ASPDH: variants seen among roughly 807,000 people sequenced by gnomAD.
ASPDH encodes the protein aspartate dehydrogenase domain containing, also known as aspartate dehydrogenase domain-containing protein.
A neutral mutation model predicts 30.5 loss-of-function variants in ASPDH; 25 were observed. The ratio of observed to expected loss-of-function variants is 0.82; its 90% CI spans 0.60 to 1.14. ASPDH has a LOEUF of 1.14. ASPDH is among the 50% of genes most tolerant of loss of function. ASPDH has a pLI of 0.00. For missense variants in ASPDH, 401 were observed against 381.5 expected (o/e 1.05, Z -0.43); for synonymous variants, 168 against 156.3 (o/e 1.07, Z -0.56).
Position 50,513,085 on chromosome 19 carries a change from C to T in ASPDH, c.198-74G>A, listed in dbSNP as rs188761732. 7,795 of 1,348,696 alleles carry T rather than the reference C, an allele frequency of 5.8e-3. 41 individuals carry two copies. Among genetic ancestry groups the T allele is most frequent in the Non-Finnish European group, 7.1e-3 (6,908 of 972,764 alleles). The allele number at this position is 1,348,696 out of a possible 1,614,324, so 83.5% of individuals were successfully genotyped here. ...CTTCTCCCCAAGGTTCCCTCCGAGT[C>T]TACTGAGGGCTGCCCTTCTTCTCCC... On this transcript the variant is annotated intron_variant, in intron 2 of 6. Coordinates refer to ENST00000389208, the MANE Select transcript of ASPDH (RefSeq NM_001114598.2). This position sits in a 1 kb window ranked among gnomAD's most constrained non-coding sequence, Gnocchi z 4.9.
At chr19:50,512,624 G>T in intron 4 of ASPDH, 37 bp downstream of exon 4, 5 of 1,509,192 alleles carry the variant, frequency 3.3e-6, no homozygotes, top group Non-Finnish European at 3.5e-6. Flanking sequence ...GTCTTTGCAG[G>T]CCTCCCCTGG....
rs1374587732 is a variant in ASPDH, at chr19:50,512,341, C to T, written c.653+19G>A. 4 of 1,613,902 alleles carry T rather than the reference C, an allele frequency of 2.5e-6. No homozygotes were observed. The highest frequency in any genetic ancestry group is 3.4e-6 in the Non-Finnish European group (4 of 1,179,928). ...GGAGAGCCTGGACTCAGCCCAACAC[C>T]CTGCTTAGCTCTGCTCACCTGGTAT... On this transcript the variant is annotated intron_variant, in intron 5 of 6. Coordinates refer to ENST00000389208, the MANE Select transcript of ASPDH (RefSeq NM_001114598.2).
rs1038524755 is a variant in ASPDH, at chr19:50,512,694, G to A, written c.399C>T (p.Asp133=). The change falls in exon 4 of 7, where the codon GAC becomes GAT. Residue 133 remains aspartate, a synonymous_variant. Transcript: ENST00000389208. The part of the protein sequence containing the change: ...VARGALWGAE[D]IRRLDAAGGL... ...CCCCAGCTGCATCCAATCTCCTGAT[G>A]TCCTCAGCGCCCCACAGGGCCCCTC... 3.9e-6 allele frequency: 6 copies of A among 1,550,442 alleles called. No homozygotes were observed. In the African/African-American group the frequency reaches 5.5e-5, roughly 14 times the overall value.
chr19:50,513,451 G>C lies in ASPDH; in HGVS notation c.53-35C>G. 6.9e-7 allele frequency: 1 copy of C among 1,456,752 alleles called. No individual in the cohort carries two copies. Among genetic ancestry groups the C allele is most frequent in the South Asian group, 1.5e-5 (1 of 68,276 alleles). The allele number at this position is 1,456,752 out of a possible 1,614,324, so 90.2% of individuals were successfully genotyped here. ...GGGAAAGGAGAGGGCTAGAGATCCA[G>C]AGAGAGGGGGACAGAGACCCAGAGA... On this transcript the variant is annotated intron_variant, in intron 1 of 6. Transcript: ENST00000389208. This position sits in a 1 kb window ranked among gnomAD's most constrained non-coding sequence, Gnocchi z 4.9.
Position 50,513,161 on chromosome 19 carries a change from C to G in ASPDH, c.197+111G>C, listed in dbSNP as rs745382915. On this transcript the variant is annotated intron_variant, in intron 2 of 6. Transcript: ENST00000389208. The surrounding 1 kb of genome is among the most constrained non-coding windows in gnomAD (Gnocchi z 4.9). ...ATGGGTTCGTCCTGTTTCACATTTGCTTGAACCAAGGCCCAGAGAGGGTCA... is the reference window on the plus strand; with the variant it reads ...ATGGGTTCGTCCTGTTTCACATTTGGTTGAACCAAGGCCCAGAGAGGGTCA... 7.7e-7 allele frequency: 1 copy of G among 1,300,602 alleles called. No homozygotes were observed. The highest frequency in any genetic ancestry group is 1.0e-6 in the Non-Finnish European group (1 of 960,810). The allele number at this position is 1,300,602 out of a possible 1,614,324, so 80.6% of individuals were successfully genotyped here. A position where few individuals can be genotyped will look rare whatever the true frequency, so the allele number is the denominator to read the frequency against.
chr19:50,512,711 G>C lies in ASPDH; in HGVS notation c.382C>G (p.Leu128Val). ...DHAVFVARGALWGAEDIRRLD... is the reference protein window; with the variant it reads ...DHAVFVARGAVWGAEDIRRLD... Reference sequence around the variant, plus strand: ...CTCCTGATGTCCTCAGCGCCCCACAGGGCCCCTCGGGCCACAAACACGGCG... The same window carrying C: ...CTCCTGATGTCCTCAGCGCCCCACACGGCCCCTCGGGCCACAAACACGGCG... The change falls in exon 4 of 7, where the codon CTG (leucine) becomes GTG (valine). Residue 128 changes from leucine to valine, a missense_variant. Physicochemically the swap from Leu to Val is conservative, Grantham distance 32. Transcript: ENST00000389208. 6.4e-7 allele frequency: 1 copy of C among 1,551,726 alleles called. No homozygotes were observed. Among genetic ancestry groups the C allele is most frequent in the Non-Finnish European group, 8.7e-7 (1 of 1,147,448 alleles).
rs529674868 is a variant in ASPDH at position 50,513,384 on chromosome 19, C to A, written c.85G>T (p.Gly29Ter). 1 of 1,532,160 alleles carries A rather than the reference C, an allele frequency of 6.5e-7. No homozygotes were observed. The highest frequency in any genetic ancestry group is 1.2e-5 in the South Asian group (1 of 80,802). 94.9% of individuals were successfully genotyped at this position (1,532,160 alleles called of 1,614,324 possible). A position where few individuals can be genotyped will look rare whatever the true frequency, so the allele number is the denominator to read the frequency against. Reference sequence around the variant, plus strand: ...ACAAGTTCTAGGCCAAGTTCTGGTCCCTGAGCCAAGAGGCGGGAGACGAGG... The same window carrying A: ...ACAAGTTCTAGGCCAAGTTCTGGTCACTGAGCCAAGAGGCGGGAGACGAGG... ...QSLVSRLLAQ[G>*]PELGLELVFV... Residue 29 changes from glycine to a stop codon, truncating the protein, a stop_gained, in exon 2 of 7, where the codon GGA (glycine) becomes TGA (stop). Coordinates refer to ENST00000389208, the MANE Select transcript of ASPDH (RefSeq NM_001114598.2). LOFTEE classifies it high-confidence loss of function. The surrounding 1 kb of genome is among the most constrained non-coding windows in gnomAD (Gnocchi z 4.9).
chr19:50,513,302 T>C lies in ASPDH; in HGVS notation c.167A>G (p.Gln56Arg). The change falls in exon 2 of 7, where the codon CAG (glutamine) becomes CGG (arginine). Residue 56 changes from glutamine to arginine, a missense_variant. Physicochemically the swap from Gln to Arg is conservative, Grantham distance 43 (BLOSUM62 1). Coordinates refer to ENST00000389208, the MANE Select transcript of ASPDH (RefSeq NM_001114598.2). This position sits in a 1 kb window ranked among gnomAD's most constrained non-coding sequence, Gnocchi z 4.9. The part of the protein sequence containing the change: ...RMAGSVPPSL[Q>R]LQNLAALGER... ...CCCAAGGGCAGCAAGGTTCTGGAGCTGCAGGGAAGGGGGCACGCTCCCTGC... is the reference window on the plus strand; with the variant it reads ...CCCAAGGGCAGCAAGGTTCTGGAGCCGCAGGGAAGGGGGCACGCTCCCTGC... 1 of 1,512,694 alleles carries C rather than the reference T, an allele frequency of 6.6e-7. No homozygotes were observed. Among genetic ancestry groups the C allele is most frequent in the Non-Finnish European group, 8.8e-7 (1 of 1,130,104 alleles). 93.7% of individuals were successfully genotyped at this position (1,512,694 alleles called of 1,614,324 possible).
Position 50,513,835 on chromosome 19 carries a change from C to T in ASPDH, c.-12G>A, listed in dbSNP as rs376542665. ...CCCCTGTCGGCCATGGCCCTGAGTG[C>T]GGTGTCTGGGGCCTGGCTCCCTGGG... On this transcript the variant is annotated 5_prime_UTR_variant, in exon 1 of 7. Transcript: ENST00000389208. The surrounding 1 kb of genome is among the most constrained non-coding windows in gnomAD (Gnocchi z 4.9). The T allele has an allele frequency of 9.1e-5, 141 of 1,549,386 alleles. No individual in the cohort carries two copies. The highest frequency in any genetic ancestry group is 3.9e-4 in the Middle Eastern group (2 of 5,182).
chr19:50,512,294 G>A lies in ASPDH; in HGVS notation c.654-4C>T. 6.2e-7 allele frequency: 1 copy of A among 1,613,822 alleles called. No homozygotes were observed. The highest frequency in any genetic ancestry group is 1.1e-5 in the South Asian group (1 of 91,082). ...CACCACGTGCATGTCCGTGAGGCTG[G>A]GACAAGAGGGGCAGTCAGTCTGGAG... On this transcript the variant is annotated splice_polypyrimidine_tract_variant and splice_region_variant and intron_variant, in intron 5 of 6. Coordinates refer to ENST00000389208, the MANE Select transcript of ASPDH (RefSeq NM_001114598.2).
intron 6 of ASPDH, 75 bp from the exon 7 acceptor site, chr19:50,511,848 G>T: frequency 1.8e-6 from 2 of 1,088,502 alleles, no homozygotes; most frequent in Non-Finnish European, 1.2e-6. Flanking sequence ...GGCAGTGGTG[G>T]GAGGAGGGGA....
In ASPDH at chr19:50,512,186, C is replaced by T. The variant is rs763997185; in HGVS notation, c.758G>A (p.Gly253Asp). ...GACGGTGGCGGAGCCGGTGACCGCG[C>T]CTGGCTCGGCAGGGTTCTCTCTGCG... is the stretch of plus-strand genomic sequence containing the variant. ...HTRRENPAEP[G>D]AVTGSATVTA... The change falls in exon 6 of 7, where the codon GGC (glycine) becomes GAC (aspartate). Residue 253 changes from glycine to aspartate, a missense_variant. Transcript: ENST00000389208. The T allele has an allele frequency of 1.2e-6, 2 of 1,603,892 alleles. No individual in the cohort carries two copies. Among genetic ancestry groups the T allele is most frequent in the East Asian group, 2.2e-5 (1 of 44,604 alleles).
upstream of ASPDH, among the ~76,000 whole-genome samples, chr19:50,514,206 G>T (rs1271955964): frequency 6.6e-6 from 1 of 152,136 alleles, no homozygotes; most frequent in African/African-American, 2.4e-5. Context: ...GTTGGGAGAA[G>T]AGATGGTGAC....
Position 50,513,830 on chromosome 19 carries a change from G to A in ASPDH, c.-7C>T, listed in dbSNP as rs927314217. On this transcript the variant is annotated 5_prime_UTR_variant, in exon 1 of 7. The change creates a premature stop within an existing upstream ORF in the 5' untranslated region. Transcript: ENST00000389208. The surrounding 1 kb of genome is among the most constrained non-coding windows in gnomAD (Gnocchi z 4.9). ...ACGGGCCCCTGTCGGCCATGGCCCT[G>A]AGTGCGGTGTCTGGGGCCTGGCTCC... 2.6e-6 allele frequency: 4 copies of A among 1,550,036 alleles called. No individual in the cohort carries two copies. Among genetic ancestry groups the A allele is most frequent in the Non-Finnish European group, 3.5e-6 (4 of 1,146,610 alleles).
chr19:50,513,016 G>A lies in ASPDH; in HGVS notation c.198-5C>T. The A allele has an allele frequency of 6.2e-7, 1 of 1,611,868 alleles. No homozygotes were observed. Reference sequence around the variant, plus strand: ...TCCACAACCAGATCAGGGCGCCTGGGAGAGGGGAAAGAGGGCGGAGGGTCT... The same window carrying A: ...TCCACAACCAGATCAGGGCGCCTGGAAGAGGGGAAAGAGGGCGGAGGGTCT... On this transcript the variant is annotated splice_polypyrimidine_tract_variant and splice_region_variant and intron_variant, in intron 2 of 6. Transcript: ENST00000389208. The surrounding 1 kb of genome is among the most constrained non-coding windows in gnomAD (Gnocchi z 4.9).
Position 50,512,912 on chromosome 19 carries a change from T to G in ASPDH, c.282+15A>C. 6.2e-7 allele frequency: 1 copy of G among 1,610,482 alleles called. No homozygotes were observed. Among genetic ancestry groups the G allele is most frequent in the Non-Finnish European group, 8.5e-7 (1 of 1,178,094 alleles). On this transcript the variant is annotated intron_variant, in intron 3 of 6. Transcript: ENST00000389208. ...AGGGGCAGGGCTCTGCGTAAATGGT[T>G]GGGGTGGGGCTTACCAGGAGATTGG...
Position 50,512,996 on chromosome 19 carries a change from A to G in ASPDH, c.213T>C (p.Val71=). 1 of 1,613,602 alleles carries G rather than the reference A, an allele frequency of 6.2e-7. No individual in the cohort carries two copies. Among genetic ancestry groups the G allele is most frequent in the Non-Finnish European group, 8.5e-7 (1 of 1,179,788 alleles). Residue 71 remains valine (V), a synonymous_variant, in exon 3 of 7, where the codon GTT becomes GTC. Coordinates refer to ENST00000389208, the MANE Select transcript of ASPDH (RefSeq NM_001114598.2). ...TTATTTTGGGATGGGCCACTTCCAC[A>G]ACCAGATCAGGGCGCCTGGGAGAGG... ...AALGERRPDL[V]VEVAHPKIIH... is the part of the protein sequence containing the mutation.
upstream of ASPDH, chr19:50,513,971 G>A (rs1218542514): frequency 2.6e-5 from 26 of 992,374 alleles, no homozygotes; most frequent in Middle Eastern, 3.3e-4. The surrounding 1 kb of genome is among the most constrained non-coding windows in gnomAD (Gnocchi z 4.9). Flanking sequence ...GCGTGGGGGC[G>A]TGGGCCTGCG....
upstream of ASPDH, chr19:50,514,404 C>T (rs1980138718): frequency 4.4e-6 from 7 of 1,601,618 alleles, no homozygotes. Context: ...CCCCGCTGCG[C>T]AGCACGGGTC....
Sources: allele counts gnomAD v4.1 joint callset (sites outside exome capture counted in the v4.1 genomes callset), GRCh38; gene constraint gnomAD v4.1.1; non-coding constraint Gnocchi (gnomAD v3.1); transcripts MANE v1.5; gene names NCBI Gene and HGNC (gene_info 2026-07-23, HGNC 2026-07-21).